Variants in GRIN2B observed in about 807,000 individuals in gnomAD.
The protein encoded by GRIN2B is glutamate receptor ionotropic, NMDA 2B.
A neutral mutation model predicts 114.5 loss-of-function variants in GRIN2B; 5 were observed. The ratio of observed to expected loss-of-function variants is 0.04; its 90% CI spans 0.02 to 0.09. The LOEUF is 0.09. GRIN2B is among the 10% of genes least tolerant of loss of function. The pLI is 1.00. For synonymous variants in GRIN2B, 787 were observed against 745.1 expected (o/e 1.06, Z -0.92); for missense variants, 1,108 against 1,943.5 (o/e 0.57, Z 8.08).
At chr12:13,621,624 T>TTTC (rs1949517609) in intron 5 of GRIN2B, among the ~76,000 whole-genome samples, 1 of 143,714 alleles carries the variant, frequency 7.0e-6, no homozygotes, top group African/African-American at 2.6e-5. Flanking sequence ...TTTTTTTTTT[T>TTTC]TTTTTTTTTT....
intron 3 of GRIN2B, among the ~76,000 whole-genome samples, chr12:13,802,137 C>T (rs1407430152): frequency 2.0e-5 from 3 of 152,062 alleles, no homozygotes; most frequent in Non-Finnish European, 2.9e-5. Context: ...TAATACTTTA[C>T]TAAATGAAAT....
intron 5 of GRIN2B, among the ~76,000 whole-genome samples, chr12:13,625,300 AAG>A (rs1949555253): frequency 6.6e-6 from 1 of 152,290 alleles, no homozygotes; most frequent in African/African-American, 2.4e-5. Context: ...ACTGTGATCT[AAG>A]AGAGTAGAAG....
chr12:13,719,716 C>T (rs1161079347), intron 4 of GRIN2B, among the ~76,000 whole-genome samples: 1 of 152,012 alleles, frequency 6.6e-6, no homozygotes, highest in East Asian at 1.9e-4. Flanking sequence ...TTTCAGAAAA[C>T]CATTCTTATG....
chr12:13,733,685 T>C (rs956729946), intron 4 of GRIN2B, among the ~76,000 whole-genome samples: 2 of 152,130 alleles, frequency 1.3e-5, no homozygotes, highest in African/African-American at 4.8e-5. Flanking sequence ...TGCTGTATAA[T>C]ATTGTGGTAT....
chr12:13,944,818 A>T (rs1867333501), intron 2 of GRIN2B, among the ~76,000 whole-genome samples: 2 of 152,166 alleles, frequency 1.3e-5, no homozygotes, highest in African/African-American at 4.8e-5. Flanking sequence ...TCATCAATTG[A>T]CTATATGTCT....
At chr12:13,769,050 A>G (rs886820468) in intron 3 of GRIN2B, among the ~76,000 whole-genome samples, 5 of 152,166 alleles carry the variant, frequency 3.3e-5, no homozygotes, top group African/African-American at 1.2e-4. Context: ...TAAATAAAAT[A>G]AAATAAAATA....
At chr12:13,624,765 G>T (rs938558185) in intron 5 of GRIN2B, among the ~76,000 whole-genome samples, 27 of 152,118 alleles carry the variant, frequency 1.8e-4, no homozygotes, top group African/African-American at 6.5e-4. Flanking sequence ...GCCATCTCGG[G>T]CCTCAGATGC....
chr12:13,896,234 A>C (rs1416205517), intron 2 of GRIN2B, among the ~76,000 whole-genome samples: 5 of 152,182 alleles, frequency 3.3e-5, no homozygotes, highest in Non-Finnish European at 7.4e-5. Flanking sequence ...ACCAGGGGAA[A>C]TGAGTAATAG....
intron 3 of GRIN2B, among the ~76,000 whole-genome samples, chr12:13,830,902 T>C (rs1002616122): frequency 1.3e-5 from 2 of 152,238 alleles, no homozygotes; most frequent in Non-Finnish European, 2.9e-5. Flanking sequence ...TGCTGTAGTT[T>C]GACCGTCCAA....
intron 10 of GRIN2B, among the ~76,000 whole-genome samples, chr12:13,606,742 G>A (rs939902973): frequency 6.6e-6 from 1 of 152,108 alleles, no homozygotes; most frequent in African/African-American, 2.4e-5. Flanking sequence ...AAAAGGAGGT[G>A]TGCAACTCAG....
At chr12:13,702,088 A>C (rs1282985191) in intron 4 of GRIN2B, among the ~76,000 whole-genome samples, 1 of 152,224 alleles carries the variant, frequency 6.6e-6, no homozygotes, top group African/African-American at 2.4e-5. Flanking sequence ...GATTTGTATA[A>C]GTGTTTTATA....
intron 3 of GRIN2B, among the ~76,000 whole-genome samples, chr12:13,776,355 A>G (rs1232290587): frequency 6.6e-6 from 1 of 152,170 alleles, no homozygotes; most frequent in Non-Finnish European, 1.5e-5. Context: ...TGATCTGTGC[A>G]GCAAACCACC....
chr12:13,753,900 A>G lies in GRIN2B; in HGVS notation c.427T>C (p.Phe143Leu), dbSNP rs756875824. Reference sequence around the variant, plus strand: ...TCAATTGATGGGCCAAACTGGAAGAACATGGAGGATTCATCCTAGAAAAAG... The same window carrying G: ...TCAATTGATGGGCCAAACTGGAAGAGCATGGAGGATTCATCCTAGAAAAAG... ...IMADKDESSM[F>L]FQFGPSIEQQ... is the part of the protein sequence containing the mutation. Residue 143 changes from phenylalanine to leucine, a missense_variant, in exon 4 of 14, where the codon TTC becomes CTC. Transcript: ENST00000609686. The surrounding 1 kb of genome is among the most constrained non-coding windows in gnomAD (Gnocchi z 6.2). The G allele has an allele frequency of 3.7e-6, 6 of 1,607,850 alleles. No homozygotes were observed. In the Admixed American group the frequency reaches 8.3e-5, roughly 22 times the overall value.
chr12:13,565,705 G>C (rs1177285273), intron 13 of GRIN2B, among the ~76,000 whole-genome samples: 1 of 152,174 alleles, frequency 6.6e-6, no homozygotes, highest in Non-Finnish European at 1.5e-5. Context: ...TAATGAACGG[G>C]ACTAATTTGG....
chr12:13,667,154 C>A (rs1007452059), intron 5 of GRIN2B, among the ~76,000 whole-genome samples: 1 of 152,042 alleles, frequency 6.6e-6, no homozygotes, highest in East Asian at 1.9e-4. Flanking sequence ...GAAAATGAAA[C>A]CAACATGATG....
At chr12:13,812,427 T>C (rs1038932206) in intron 3 of GRIN2B, among the ~76,000 whole-genome samples, 2 of 152,166 alleles carry the variant, frequency 1.3e-5, no homozygotes, top group African/African-American at 4.8e-5. Context: ...TTTCCCACTA[T>C]GTATTCTCCC....
chr12:13,568,342 C>G (rs1806209), intron 12 of GRIN2B, among the ~76,000 whole-genome samples: 16,238 of 152,206 alleles, frequency 0.11, 1,026 homozygotes, highest in East Asian at 0.29. Flanking sequence ...CATAGTTCTA[C>G]TTTGGCTAAA....
chr12:13,970,773 C>T (rs1430141546), intron 2 of GRIN2B, among the ~76,000 whole-genome samples: 1 of 151,894 alleles, frequency 6.6e-6, no homozygotes, highest in Admixed American at 6.6e-5. Flanking sequence ...TTCTCCTACT[C>T]AGGAAAGATC....
chr12:13,724,754 C>A (rs1862949553), intron 4 of GRIN2B, among the ~76,000 whole-genome samples: 1 of 152,026 alleles, frequency 6.6e-6, no homozygotes, highest in African/African-American at 2.4e-5. Flanking sequence ...TCCACATTCA[C>A]TCTCCTACTC....
Sources: gnomAD v4.1 joint callset for allele counts (sites outside exome capture counted in the v4.1 genomes callset) on GRCh38, gnomAD v4.1.1 for gene constraint, Gnocchi (gnomAD v3.1) non-coding constraint, MANE v1.5 for transcripts, NCBI Gene and HGNC (gene_info 2026-07-23, HGNC 2026-07-21) for gene names.